Variants in S100Z observed in about 807,000 individuals in gnomAD.
The protein encoded by S100Z is protein S100-Z.
S100Z carries 11 observed loss-of-function variants against 8.5 expected under a neutral mutation model. The observed-to-expected ratio is 1.30, with a 90% CI of 0.82 to 2.15. The LOEUF is 2.15. Among genes scored for constraint, S100Z ranks in the 30% most tolerant of loss-of-function variants. The probability of loss-of-function intolerance (pLI) is 0.00; values close to 1 mark genes in which losing one functional copy is unlikely to be tolerated. For synonymous variants in S100Z, 34 were observed against 43.8 expected, an observed-to-expected ratio of 0.78 and a Z score of 0.89; for missense variants, 126 against 117.9, an observed-to-expected ratio of 1.07 and a Z score of -0.32.
chr5:76,877,897 A>C (rs13188087), intron 4 of S100Z, 63 bp downstream of exon 4: 72,502 of 1,175,132 alleles, frequency 0.062, 2,723 homozygotes, highest in East Asian at 0.083. Context: ...ATGTTCATTT[A>C]TACCGTTCAG....
chr5:76,869,204 G>C (rs1038150148), intron 1 of S100Z, among the ~76,000 whole-genome samples: 3 of 152,016 alleles, frequency 2.0e-5, no homozygotes, highest in Non-Finnish European at 4.4e-5. Context: ...TGACATCAAG[G>C]AACTCATTCA....
the S100Z span, among the ~76,000 whole-genome samples, chr5:76,929,218 C>T: frequency 6.6e-6 from 1 of 152,202 alleles, no homozygotes; most frequent in Admixed American, 6.5e-5. Context: ...GTTATATAAT[C>T]AGCCTGGATT....
downstream of S100Z, among the ~76,000 whole-genome samples, chr5:76,925,122 C>T (rs141065230): frequency 5.7e-4 from 86 of 151,694 alleles, no homozygotes; most frequent in Middle Eastern, 0.01. Context: ...CCTAGGACTG[C>T]TTATGATATG....
At chr5:76,850,999 T>C (rs1309093417) in intron 1 of S100Z, among the ~76,000 whole-genome samples, 2 of 152,110 alleles carry the variant, frequency 1.3e-5, no homozygotes, top group Non-Finnish European at 1.5e-5. Flanking sequence ...CATAAAGGAA[T>C]ACATTTAAAC....
At chr5:76,947,852 C>G in the S100Z span, among the ~76,000 whole-genome samples, 15,598 of 151,970 alleles carry the variant, frequency 0.1, 907 homozygotes, top group African/African-American at 0.15. Context: ...AAATCTTACA[C>G]AAAAATCAAC....
At chr5:76,885,153 C>A (rs901925524) in intron 4 of S100Z, among the ~76,000 whole-genome samples, 1 of 152,148 alleles carries the variant, frequency 6.6e-6, no homozygotes. Flanking sequence ...AGTTTTAGGT[C>A]AGGCGAGAGT....
chr5:76,870,854 G>C (rs1012974506), intron 2 of S100Z, among the ~76,000 whole-genome samples: 3 of 152,140 alleles, frequency 2.0e-5, no homozygotes, highest in Non-Finnish European at 4.4e-5. Flanking sequence ...GGGCACGCTG[G>C]CTCACATCTA....
At chr5:76,872,786 C>A (rs1432541512) in intron 2 of S100Z, among the ~76,000 whole-genome samples, 1 of 152,044 alleles carries the variant, frequency 6.6e-6, no homozygotes, top group African/African-American at 2.4e-5. Context: ...CATGGCAAAA[C>A]CCCATCTCTA....
At chr5:76,934,755 G>A in the S100Z span, among the ~76,000 whole-genome samples, 4 of 152,200 alleles carry the variant, frequency 2.6e-5, no homozygotes, top group Non-Finnish European at 5.9e-5. Context: ...ATCTGCTGGT[G>A]TCTTGATCTT....
At chr5:76,899,190 T>G (rs550239118) in intron 4 of S100Z, among the ~76,000 whole-genome samples, 1 of 152,188 alleles carries the variant, frequency 6.6e-6, no homozygotes, top group South Asian at 2.1e-4. Context: ...CACCTCAGCC[T>G]CCCAAAGTGC....
downstream of S100Z, among the ~76,000 whole-genome samples, chr5:76,925,659 A>G (rs567337071): frequency 6.6e-6 from 1 of 152,248 alleles, no homozygotes; most frequent in South Asian, 2.1e-4. Flanking sequence ...TGACAGTAAG[A>G]AATCACTTAA....
intron 4 of S100Z, among the ~76,000 whole-genome samples, chr5:76,894,487 A>G (rs1743966274): frequency 6.6e-6 from 1 of 152,178 alleles, no homozygotes. Context: ...ATTGACAGAC[A>G]TCAGCCAAAA....
chr5:76,875,619 C>T, intron 3 of S100Z, 119 bp downstream of exon 3: 2 of 875,262 alleles, frequency 2.3e-6, no homozygotes, highest in South Asian at 2.1e-5. Flanking sequence ...CAAATTTGTA[C>T]AGAGATTCAA....
At chr5:76,950,824 T>C in the S100Z span, among the ~76,000 whole-genome samples, 1 of 152,214 alleles carries the variant, frequency 6.6e-6, no homozygotes, top group African/African-American at 2.4e-5. Context: ...GAAAATAATT[T>C]ATCCTTAGTC....
At chr5:76,898,741 G>T (rs1353868997) in intron 4 of S100Z, among the ~76,000 whole-genome samples, 1 of 152,022 alleles carries the variant, frequency 6.6e-6, no homozygotes, top group Non-Finnish European at 1.5e-5. Flanking sequence ...ATTCATCAAA[G>T]ATATTGCCCT....
downstream of S100Z, among the ~76,000 whole-genome samples, chr5:76,922,739 G>A (rs951991464): frequency 1.5e-4 from 23 of 151,996 alleles, 2 homozygotes; most frequent in Admixed American, 9.2e-4. Flanking sequence ...CAGCCAGGAT[G>A]GTCTTGATCT....
chr5:76,852,916 A>G (rs1750770731), intron 1 of S100Z, among the ~76,000 whole-genome samples: 1 of 152,204 alleles, frequency 6.6e-6, no homozygotes, highest in African/African-American at 2.4e-5. Flanking sequence ...CATAGTATCC[A>G]TGGGATGACT....
At chr5:76,902,669 T>C (rs903600403) in intron 4 of S100Z, among the ~76,000 whole-genome samples, 1 of 151,656 alleles carries the variant, frequency 6.6e-6, no homozygotes, top group Non-Finnish European at 1.5e-5. Context: ...TTTTTTTTTC[T>C]GTGTAGATAG....
At chr5:76,935,027 T>A in the S100Z span, among the ~76,000 whole-genome samples, 1 of 152,210 alleles carries the variant, frequency 6.6e-6, no homozygotes, top group Non-Finnish European at 1.5e-5. Flanking sequence ...TTCCAAGTTT[T>A]ACGGTTTATG....
Sources: gnomAD v4.1 joint callset for allele counts (sites outside exome capture counted in the v4.1 genomes callset) on GRCh38, gnomAD v4.1.1 for gene constraint, MANE v1.5 for transcripts, NCBI Gene and HGNC (gene_info 2026-07-23, HGNC 2026-07-21) for gene names.